ARHGAP15: variants seen among roughly 807,000 people sequenced by gnomAD.
ARHGAP15 encodes the protein Rho GTPase activating protein 15, also known as rho GTPase-activating protein 15.
A neutral mutation model predicts 63.7 loss-of-function variants in ARHGAP15; 51 were observed. That is an observed-to-expected ratio of 0.80 (90% CI 0.64 to 1.01). The LOEUF (loss-of-function observed/expected upper bound fraction) is 1.01. ARHGAP15 is among the 50% of genes least tolerant of loss of function. The probability of loss-of-function intolerance (pLI) is 0.00; values close to 1 mark genes in which losing one functional copy is unlikely to be tolerated. For synonymous variants in ARHGAP15, 191 were observed against 193.8 expected, an observed-to-expected ratio of 0.99 and a Z score of 0.12; for missense variants, 560 against 564.6, an observed-to-expected ratio of 0.99 and a Z score of 0.08.
chr2:143,337,242 A>G (rs77403729), intron 6 of ARHGAP15, among the ~76,000 whole-genome samples: 1 of 151,964 alleles, frequency 6.6e-6, no homozygotes, highest in African/African-American at 2.4e-5. Flanking sequence ...GCTGGAGAGA[A>G]AGAGCAGAAG....
chr2:143,600,340 G>T (rs972780495), intron 11 of ARHGAP15, among the ~76,000 whole-genome samples: 1 of 152,072 alleles, frequency 6.6e-6, no homozygotes, highest in Non-Finnish European at 1.5e-5. Context: ...TAGTCACAGG[G>T]CCACATACTG....
At chr2:143,430,076 A>AAC (rs2105075406) in intron 6 of ARHGAP15, among the ~76,000 whole-genome samples, 1 of 152,220 alleles carries the variant, frequency 6.6e-6, no homozygotes, top group East Asian at 1.9e-4. Flanking sequence ...TTGCTAGGGT[A>AAC]ACCCTGGATA....
intron 1 of ARHGAP15, among the ~76,000 whole-genome samples, chr2:143,133,437 T>G (rs1688989638): frequency 6.6e-6 from 1 of 152,174 alleles, no homozygotes; most frequent in Non-Finnish European, 1.5e-5. Context: ...TTTTACATCT[T>G]GATGGGTTGT....
At chr2:143,522,879 TAG>T (rs1694114857) in intron 10 of ARHGAP15, among the ~76,000 whole-genome samples, 1 of 152,162 alleles carries the variant, frequency 6.6e-6, no homozygotes, top group Admixed American at 6.6e-5. Flanking sequence ...ACACTTTGTG[TAG>T]TTTATGATGA....
At chr2:143,313,484 G>C (rs1683541140) in intron 6 of ARHGAP15, among the ~76,000 whole-genome samples, 1 of 152,038 alleles carries the variant, frequency 6.6e-6, no homozygotes, top group South Asian at 2.1e-4. Context: ...TGTCACCTCA[G>C]ACAACTTCCT....
At chr2:143,306,310 G>A (rs1683168605) in intron 6 of ARHGAP15, among the ~76,000 whole-genome samples, 2 of 152,092 alleles carry the variant, frequency 1.3e-5, no homozygotes, top group African/African-American at 2.4e-5. Context: ...GTAGAGATAG[G>A]GGGAGACGAC....
At chr2:143,264,530 C>A (rs1312488786) in intron 6 of ARHGAP15, among the ~76,000 whole-genome samples, 1 of 152,004 alleles carries the variant, frequency 6.6e-6, no homozygotes, top group African/African-American at 2.4e-5. Flanking sequence ...TATGAATAGC[C>A]ACCCTGGTAT....
chr2:143,186,251 T>G (rs1299010399), intron 2 of ARHGAP15, among the ~76,000 whole-genome samples: 1 of 152,220 alleles, frequency 6.6e-6, no homozygotes, highest in East Asian at 1.9e-4. Flanking sequence ...TTAAATAATC[T>G]CGACTTATGA....
intron 6 of ARHGAP15, among the ~76,000 whole-genome samples, chr2:143,412,305 C>T (rs185010781): frequency 8.8e-4 from 134 of 152,062 alleles, no homozygotes; most frequent in African/African-American, 3.1e-3. Context: ...TATAATAGTA[C>T]GAAGGGAAGC....
At chr2:143,608,048 A>T (rs575094236) in intron 11 of ARHGAP15, 1 of 152,270 alleles carries the variant, frequency 6.6e-6, no homozygotes, top group South Asian at 2.1e-4. Flanking sequence ...TTTCCGCTCG[A>T]AGAATACCTT....
chr2:143,144,892 T>C (rs1450568571), intron 1 of ARHGAP15, among the ~76,000 whole-genome samples: 1 of 152,154 alleles, frequency 6.6e-6, no homozygotes, highest in East Asian at 1.9e-4. Context: ...ATAATGCGCG[T>C]ATAAAATTAA....
intron 12 of ARHGAP15, among the ~76,000 whole-genome samples, chr2:143,658,074 A>T (rs974591105): frequency 6.6e-6 from 1 of 152,190 alleles, no homozygotes; most frequent in African/African-American, 2.4e-5. Flanking sequence ...CCAGAATTTC[A>T]TCTTTTAGAG....
chr2:143,748,738 G>A (rs974529693), intron 13 of ARHGAP15, among the ~76,000 whole-genome samples: 17 of 152,280 alleles, frequency 1.1e-4, no homozygotes, highest in African/African-American at 3.1e-4. Context: ...TGTAGCGGCC[G>A]TGAATGCTTC....
chr2:143,546,325 G>A (rs1695327597), intron 10 of ARHGAP15, among the ~76,000 whole-genome samples: 1 of 152,130 alleles, frequency 6.6e-6, no homozygotes, highest in African/African-American at 2.4e-5. Flanking sequence ...AGTATGATGG[G>A]ATCAAAGGCT....
intron 6 of ARHGAP15, among the ~76,000 whole-genome samples, chr2:143,340,716 C>CTT (rs1685022274): frequency 6.6e-6 from 1 of 152,052 alleles, no homozygotes; most frequent in Non-Finnish European, 1.5e-5. Flanking sequence ...AATAGGCTCA[C>CTT]TTTTCTGAAA....
At chr2:143,553,640 A>T (rs1695666531) in intron 10 of ARHGAP15, among the ~76,000 whole-genome samples, 1 of 152,226 alleles carries the variant, frequency 6.6e-6, no homozygotes, top group Admixed American at 6.5e-5. Flanking sequence ...TTCTTTAAAC[A>T]GTATACTGCT....
intron 6 of ARHGAP15, among the ~76,000 whole-genome samples, chr2:143,355,878 A>C (rs543142247): frequency 5.3e-5 from 8 of 152,270 alleles, no homozygotes; most frequent in South Asian, 4.1e-4. Flanking sequence ...TACAAACTAC[A>C]TTTTACAAGC....
Position 143,202,107 on chromosome 2 carries a change from T to C in ARHGAP15, c.166-27T>C, listed in dbSNP as rs755465667. The C allele has an allele frequency of 6.4e-6, 10 of 1,573,718 alleles. No homozygotes were observed. In the Admixed American group the frequency reaches 6.7e-5, roughly 11 times the overall value. The stretch of plus-strand genomic sequence containing the variant: ...AACTCTATCAAGAAAAATTATGTAA[T>C]AATATCCAATGTCAATATATTTGCA... On this transcript the variant is annotated intron_variant, in intron 2 of 13. Transcript: ENST00000295095.
At chr2:143,265,783 T>C (rs1208777296) in intron 6 of ARHGAP15, among the ~76,000 whole-genome samples, 6 of 152,158 alleles carry the variant, frequency 3.9e-5, no homozygotes, top group African/African-American at 1.4e-4. Flanking sequence ...GTTTAACTTA[T>C]TTCTTTCTGA....
Sources: gnomAD v4.1 joint callset for allele counts (sites outside exome capture counted in the v4.1 genomes callset) on GRCh38, gnomAD v4.1.1 for gene constraint, MANE v1.5 for transcripts, NCBI Gene and HGNC (gene_info 2026-07-23, HGNC 2026-07-21) for gene names.